Variants in TAF2 observed in about 807,000 individuals in gnomAD.
The protein encoded by TAF2 is TATA-box binding protein associated factor 2.
In TAF2, 61 loss-of-function variants were observed where a neutral mutation model predicts 138.5. The ratio of observed to expected loss-of-function variants is 0.44; its 90% CI spans 0.36 to 0.54. TAF2 has a LOEUF of 0.54. Among genes scored for constraint, TAF2 ranks in the 20% least tolerant of loss-of-function variants. The pLI is 0.00. For synonymous variants in TAF2, 475 were observed against 469.9 expected, an observed-to-expected ratio of 1.01 and a Z score of -0.14; for missense variants, 1,090 against 1,427.9, an observed-to-expected ratio of 0.76 and a Z score of 3.81.
intron 10 of TAF2, chr8:119,791,733 T>C (rs1823443370): frequency 2.8e-6 from 1 of 362,244 alleles, no homozygotes; most frequent in Non-Finnish European, 5.2e-6. Context: ...TCTCCCCAAA[T>C]CCATCAATAC....
Position 119,781,052 on chromosome 8 carries a change from C to CTTCTACAAAG in TAF2, c.2253_2253+1insCTTTGTAGAA (p.Thr752LeufsTer17). ...TGAGAAAATTAGAAAGTAAACTGTACCTTCTGTAGAAAATAGCTTTGAAAG... is the reference window on the plus strand; with the variant it reads ...TGAGAAAATTAGAAAGTAAACTGTACTTCTACAAAGCTTCTGTAGAAAATAGCTTTGAAAG... On this transcript the variant is annotated frameshift_variant and splice_region_variant. Coordinates refer to ENST00000378164, the MANE Select transcript of TAF2 (RefSeq NM_003184.4). LOFTEE classifies it high-confidence loss of function. The CTTCTACAAAG allele has an allele frequency of 6.2e-7, 1 of 1,612,024 alleles. No individual in the cohort carries two copies. Among genetic ancestry groups the CTTCTACAAAG allele is most frequent in the Non-Finnish European group, 8.5e-7 (1 of 1,179,610 alleles).
chr8:119,820,534 AG>A (rs1825748217), intron 2 of TAF2, among the ~76,000 whole-genome samples: 1 of 152,040 alleles, frequency 6.6e-6, no homozygotes, highest in African/African-American at 2.4e-5. Context: ...AGTATTAAAA[AG>A]TTAACTTTTT....
chr8:119,762,503 G>A lies in TAF2; in HGVS notation c.2470C>T (p.Pro824Ser). ...TCTTCAAGAATGAGTCGCACATCAG[G>A]ATTTAAGTTATCCAAAGTTCTAACT... ...NEVRTLDNLN[P>S]DVRLILEEIT... is the part of the protein sequence containing the mutation. The change falls in exon 19 of 26, where the codon CCT becomes TCT. Residue 824 changes from proline (P) to serine (S), a missense_variant. Transcript: ENST00000378164. The A allele has an allele frequency of 6.2e-7, 1 of 1,613,938 alleles. No homozygotes were observed. The highest frequency in any genetic ancestry group is 8.5e-7 in the Non-Finnish European group (1 of 1,179,932).
chr8:119,766,277 T>A (rs900669705), intron 18 of TAF2, among the ~76,000 whole-genome samples: 1 of 152,160 alleles, frequency 6.6e-6, no homozygotes, highest in Admixed American at 6.5e-5. Context: ...TTTCTGGATA[T>A]CATAACTGAG....
At chr8:119,779,577 C>A (rs1822501104) in intron 17 of TAF2, among the ~76,000 whole-genome samples, 1 of 152,106 alleles carries the variant, frequency 6.6e-6, no homozygotes, top group Non-Finnish European at 1.5e-5. Flanking sequence ...TAACAGGATG[C>A]CACAGACTTC....
At position 119,783,629 on chromosome 8, in the gene TAF2, C is replaced by T. The variant is rs777182415; in HGVS notation, c.1864G>A (p.Asp622Asn). The change falls in exon 16 of 26, where the codon GAT (aspartate) becomes AAT (asparagine). Residue 622 changes from aspartate to asparagine, a missense_variant. Asp to Asn is a conservative substitution (Grantham distance 23). Around this residue, in one of 3 missense-constraint regions of TAF2, gnomAD observed 580 missense variants for 719.6 expected, o/e 0.81. Transcript: ENST00000378164. ...VDMDLSAMDADSPLLWIRIDP... is the reference protein window; with the variant it reads ...VDMDLSAMDANSPLLWIRIDP... ...ATCCTTATCCACAGCAAAGGGGAAT[C>T]AGCACTGCAAGAAAATACAATTTTC... is the stretch of plus-strand genomic sequence containing the variant. The T allele has an allele frequency of 1.2e-6, 2 of 1,613,754 alleles. No homozygotes were observed. The highest frequency in any genetic ancestry group is 1.1e-5 in the South Asian group (1 of 91,002).
At chr8:119,756,747 C>T (rs1055514632) in intron 21 of TAF2, among the ~76,000 whole-genome samples, 2 of 152,096 alleles carry the variant, frequency 1.3e-5, no homozygotes, top group African/African-American at 4.8e-5. Context: ...GTTTTTATCT[C>T]ATATCAGAGG....
chr8:119,766,793 CGCTGTACTCCA>C (rs1821455072), intron 18 of TAF2, among the ~76,000 whole-genome samples: 1 of 151,938 alleles, frequency 6.6e-6, no homozygotes, highest in Non-Finnish European at 1.5e-5. Flanking sequence ...GAGATCACAC[CGCTGTACTCCA>C]GCCTGGGCAG....
At chr8:119,733,111 T>C (rs974058467) in intron 25 of TAF2, among the ~76,000 whole-genome samples, 3 of 152,164 alleles carry the variant, frequency 2.0e-5, no homozygotes, top group African/African-American at 7.2e-5. Flanking sequence ...GGGAGGGATC[T>C]TGGAACTAAT....
chr8:119,745,361 G>A (rs950504888), intron 23 of TAF2, among the ~76,000 whole-genome samples: 1 of 152,134 alleles, frequency 6.6e-6, no homozygotes, highest in Non-Finnish European at 1.5e-5. Flanking sequence ...ACAGGTTGAT[G>A]AGTATGTAGA....
intron 23 of TAF2, among the ~76,000 whole-genome samples, chr8:119,745,238 T>C (rs530391524): frequency 2.0e-5 from 3 of 152,286 alleles, no homozygotes; most frequent in East Asian, 1.9e-4. Context: ...AGTGAACTTT[T>C]AGAGGTTTCC....
chr8:119,758,042 A>G, intron 21 of TAF2, 31 bp downstream of exon 21: 1 of 1,587,210 alleles, frequency 6.3e-7, no homozygotes, highest in Non-Finnish European at 8.7e-7. Context: ...GGACTTACAA[A>G]ATATCATAGC....
Position 119,789,238 on chromosome 8 carries a change from A to G in TAF2, c.1569-334T>C, listed in dbSNP as rs950502186. Among the ~76,000 whole-genome samples the G allele has an allele frequency of 2.4e-4, 36 of 152,176 alleles. 1 individual carries two copies. The highest frequency in any genetic ancestry group is 1.0e-4 in the Non-Finnish European group (7 of 68,024). On this transcript the variant is annotated intron_variant, in intron 12 of 25. Transcript: ENST00000378164. ...ATTGCGCCAACCCCTAATCACATCC[A>G]CAAGTCACTAAACTACCACACCTCA...
intron 18 of TAF2, among the ~76,000 whole-genome samples, chr8:119,775,279 CAA>C (rs59665180): frequency 8.0e-4 from 81 of 100,780 alleles, no homozygotes; most frequent in Non-Finnish European, 1.0e-3. Context: ...GATTCCATCT[CAA>C]AAAAAAAAAA....
rs549848293 is a variant in TAF2, at chr8:119,810,109, C to A, written c.300-3708G>T. ...TTAAATTATCATACAATTAAAAAAA[C>A]CACTTTTTTGGGGGTGTACAGTTGT... is the stretch of plus-strand genomic sequence containing the variant. On this transcript the variant is annotated intron_variant, in intron 3 of 25. Coordinates refer to ENST00000378164, the MANE Select transcript of TAF2 (RefSeq NM_003184.4). Among the ~76,000 whole-genome samples, 20 of 150,488 alleles carry A rather than the reference C, an allele frequency of 1.3e-4. No homozygotes were observed. In the South Asian group the frequency reaches 1.7e-3, roughly 13 times the overall value.
chr8:119,781,213 A>C lies in TAF2; in HGVS notation c.2113-20T>G. 1 of 1,613,820 alleles carries C rather than the reference A, an allele frequency of 6.2e-7. No individual in the cohort carries two copies. Among genetic ancestry groups the C allele is most frequent in the Non-Finnish European group, 8.5e-7 (1 of 1,179,922 alleles). On this transcript the variant is annotated intron_variant, in intron 16 of 25. Coordinates refer to ENST00000378164, the MANE Select transcript of TAF2 (RefSeq NM_003184.4). Reference sequence around the variant, plus strand: ...TGCAATCTGCAAATAATTAGAAAACAAAGTAATTTCCATTACCAATGCAAA... The same window carrying C: ...TGCAATCTGCAAATAATTAGAAAACCAAGTAATTTCCATTACCAATGCAAA...
At chr8:119,783,850 C>A (rs1240463277) in intron 15 of TAF2, among the ~76,000 whole-genome samples, 5 of 152,204 alleles carry the variant, frequency 3.3e-5, no homozygotes, top group Admixed American at 1.3e-4. Flanking sequence ...TGATCTATAT[C>A]AATCTTGCTA....
chr8:119,747,200 T>C (rs564426727), intron 22 of TAF2, among the ~76,000 whole-genome samples: 2 of 152,332 alleles, frequency 1.3e-5, no homozygotes, highest in East Asian at 3.9e-4. Flanking sequence ...TCTGATTCTC[T>C]TCATTAACAG....
intron 8 of TAF2, among the ~76,000 whole-genome samples, chr8:119,796,027 C>T (rs1378431400): frequency 6.6e-6 from 1 of 152,078 alleles, no homozygotes; most frequent in African/African-American, 2.4e-5. Flanking sequence ...CAATCCCATG[C>T]ATTATGCCAT....
Sources: allele counts gnomAD v4.1 joint callset (sites outside exome capture counted in the v4.1 genomes callset), GRCh38; gene constraint gnomAD v4.1.1; regional missense constraint gnomAD v4.1.1; transcripts MANE v1.5; gene names NCBI Gene and HGNC (gene_info 2026-07-23, HGNC 2026-07-21).